DOCK1: variants seen among roughly 807,000 people sequenced by gnomAD.
The protein encoded by DOCK1 is dedicator of cytokinesis protein 1.
DOCK1 carries 138 observed loss-of-function variants against 262.7 expected under a neutral mutation model. The ratio of observed to expected loss-of-function variants is 0.53; its 90% CI spans 0.46 to 0.61. The LOEUF is 0.61. DOCK1 is among the 20% of genes least tolerant of loss of function. DOCK1 has a pLI of 0.00. For missense variants in DOCK1, 1,908 were observed against 2,370.7 expected, an observed-to-expected ratio of 0.80 and a Z score of 4.05; for synonymous variants, 866 against 867.4, an observed-to-expected ratio of 1.00 and a Z score of 0.03.
At chr10:127,233,875 C>T (rs1017967353) in intron 27 of DOCK1, among the ~76,000 whole-genome samples, 10 of 152,172 alleles carry the variant, frequency 6.6e-5, no homozygotes, top group African/African-American at 2.4e-4. Flanking sequence ...AGCATCCATA[C>T]GATGTGATTT....
At chr10:127,111,502 CT>C (rs2048862500) in intron 25 of DOCK1, among the ~76,000 whole-genome samples, 1 of 152,140 alleles carries the variant, frequency 6.6e-6, no homozygotes, top group Non-Finnish European at 1.5e-5. Flanking sequence ...TTATTCCTGA[CT>C]GTCCATATTT....
intron 27 of DOCK1, among the ~76,000 whole-genome samples, chr10:127,151,408 C>T (rs913759414): frequency 6.6e-6 from 1 of 152,122 alleles, no homozygotes; most frequent in Non-Finnish European, 1.5e-5. Context: ...AGTGTAACTT[C>T]TGTTTGTAGC....
At chr10:127,143,855 A>T (rs1564837481) in intron 27 of DOCK1, among the ~76,000 whole-genome samples, 1 of 152,076 alleles carries the variant, frequency 6.6e-6, no homozygotes, top group Non-Finnish European at 1.5e-5. Flanking sequence ...TTCTCTTCTG[A>T]ACACATCTCC....
Position 127,343,766 on chromosome 10 carries a change from T to C in DOCK1, c.3224+20T>C. The C allele has an allele frequency of 6.4e-7, 1 of 1,569,848 alleles. No individual in the cohort carries two copies. Among genetic ancestry groups the C allele is most frequent in the Non-Finnish European group, 8.7e-7 (1 of 1,152,810 alleles). ...TAACAAGTAAGTTCTCATCTAGCTC[T>C]GAAACTGCAGGCAGGAGCCTCCAAC... On this transcript the variant is annotated intron_variant, in intron 31 of 51. Transcript: ENST00000623213.
chr10:127,420,901 A>ATTTGTTTG (rs80287621), intron 46 of DOCK1, among the ~76,000 whole-genome samples: 217 of 124,636 alleles, frequency 1.7e-3, no homozygotes, highest in South Asian at 3.1e-3. Context: ...TGAGCAGTTT[A>ATTTGTTTG]TTTGTTTGTT....
chr10:126,946,501 G>A (rs965873112), intron 1 of DOCK1, among the ~76,000 whole-genome samples: 7 of 152,180 alleles, frequency 4.6e-5, no homozygotes, highest in South Asian at 2.1e-4. Flanking sequence ...AGCTGAGATC[G>A]CAGCACTACA....
intron 4 of DOCK1, among the ~76,000 whole-genome samples, chr10:126,984,863 A>AT (rs2039251843): frequency 1.3e-5 from 2 of 150,840 alleles, no homozygotes; most frequent in South Asian, 2.1e-4. Flanking sequence ...ATACATAGCT[A>AT]TTGTAGTCAC....
At chr10:127,039,255 T>C (rs573047462) in intron 19 of DOCK1, among the ~76,000 whole-genome samples, 155 of 146,054 alleles carry the variant, frequency 1.1e-3, no homozygotes, top group Middle Eastern at 3.5e-3. Context: ...TTCCCTGTGT[T>C]CTGTAAATTC....
chr10:127,347,361 G>A (rs1374780272), intron 31 of DOCK1, among the ~76,000 whole-genome samples: 44 of 152,364 alleles, frequency 2.9e-4, no homozygotes, highest in Non-Finnish European at 2.9e-5. Flanking sequence ...GGGCACGCAT[G>A]CAGTGGTGAC....
At chr10:127,425,838 C>T in intron 46 of DOCK1, 36 bp from the exon 47 acceptor site, 2 of 1,613,240 alleles carry the variant, frequency 1.2e-6, no homozygotes, top group South Asian at 1.1e-5. Flanking sequence ...GACCATTATC[C>T]AAGAAATAAG....
At chr10:127,133,588 A>G (rs930717811) in intron 27 of DOCK1, among the ~76,000 whole-genome samples, 2 of 152,136 alleles carry the variant, frequency 1.3e-5, no homozygotes, top group African/African-American at 4.8e-5. Context: ...TGACCCTGGT[A>G]TTTTTTCAAG....
At chr10:127,369,644 T>C (rs967260545) in intron 33 of DOCK1, among the ~76,000 whole-genome samples, 1 of 152,224 alleles carries the variant, frequency 6.6e-6, no homozygotes, top group Non-Finnish European at 1.5e-5. Context: ...TGGCCTGCGA[T>C]GCAGCCATGC....
At chr10:127,321,497 G>A (rs990780481) in intron 29 of DOCK1, among the ~76,000 whole-genome samples, 7 of 150,568 alleles carry the variant, frequency 4.6e-5, no homozygotes, top group African/African-American at 1.7e-4. Flanking sequence ...TTCTTTATAA[G>A]TGGACTGAGA....
chr10:127,010,820 C>T (rs2041374720), intron 11 of DOCK1, among the ~76,000 whole-genome samples: 1 of 152,078 alleles, frequency 6.6e-6, no homozygotes, highest in South Asian at 2.1e-4. Flanking sequence ...TAATGCAGCC[C>T]CCTGCTGTTT....
rs542040366 is a variant in DOCK1 at position 127,202,321 on chromosome 10, TC to T, written c.2848-45685del. Among the ~76,000 whole-genome samples, 645 of 148,502 alleles carry T rather than the reference TC, an allele frequency of 4.3e-3. 7 individuals are homozygous for T. The highest frequency in any genetic ancestry group is 0.015 in the African/African-American group (618 of 40,264). On this transcript the variant is annotated intron_variant, in intron 27 of 51. Transcript: ENST00000623213. ...CTGGGTGACAGAGCGAGACTCTGTC[TC>T]CAAAAAAAAAAAAAGAACTAGGACA...
chr10:127,140,665 G>C (rs531898251), intron 27 of DOCK1, among the ~76,000 whole-genome samples: 1 of 152,164 alleles, frequency 6.6e-6, no homozygotes, highest in Admixed American at 6.5e-5. Context: ...TTGACACACC[G>C]AGTCTCTGGG....
chr10:127,429,083 T>A (rs1182435306), intron 47 of DOCK1, among the ~76,000 whole-genome samples: 1 of 151,550 alleles, frequency 6.6e-6, no homozygotes, highest in Non-Finnish European at 1.5e-5. Context: ...ACCATGTGGA[T>A]TGGGGTGCCG....
chr10:127,258,584 C>T (rs764859027), intron 29 of DOCK1, among the ~76,000 whole-genome samples: 2 of 152,302 alleles, frequency 1.3e-5, no homozygotes, highest in South Asian at 2.1e-4. Context: ...GTGGCTCTTA[C>T]GAATAAAGCT....
At chr10:127,251,904 G>A (rs1242741537) in intron 28 of DOCK1, among the ~76,000 whole-genome samples, 4 of 151,606 alleles carry the variant, frequency 2.6e-5, no homozygotes, top group African/African-American at 9.7e-5. Context: ...CCCAGTAATG[G>A]GATGGCTGGG....
Sources: allele counts gnomAD v4.1 joint callset (sites outside exome capture counted in the v4.1 genomes callset), GRCh38; gene constraint gnomAD v4.1.1; transcripts MANE v1.5; gene names NCBI Gene and HGNC (gene_info 2026-07-23, HGNC 2026-07-21).